OPCML: variants seen among roughly 807,000 people sequenced by gnomAD.
OPCML encodes the protein opioid-binding protein/cell adhesion molecule.
A neutral mutation model predicts 37.8 loss-of-function variants in OPCML; 13 were observed. That is an observed-to-expected ratio of 0.34 (90% CI 0.22 to 0.55). The LOEUF (loss-of-function observed/expected upper bound fraction) is 0.55. OPCML is among the 20% of genes least tolerant of loss of function. The probability of loss-of-function intolerance (pLI) is 0.91; values close to 1 mark genes in which losing one functional copy is unlikely to be tolerated. For missense variants in OPCML, 341 were observed against 435.6 expected (o/e 0.78, Z 1.93); for synonymous variants, 176 against 168.8 (o/e 1.04, Z -0.33).
chr11:133,105,500 A>G (rs1159664777), intron 1 of OPCML, among the ~76,000 whole-genome samples: 1 of 152,232 alleles, frequency 6.6e-6, no homozygotes, highest in Non-Finnish European at 1.5e-5. Flanking sequence ...AATCAAAGGT[A>G]AGGGAATTGT....
At chr11:132,602,321 A>G (rs1452488241) in intron 3 of OPCML, among the ~76,000 whole-genome samples, 1 of 152,238 alleles carries the variant, frequency 6.6e-6, no homozygotes, top group Non-Finnish European at 1.5e-5. Flanking sequence ...TGTTATTTTC[A>G]AGGAAATGTC....
At chr11:132,637,430 C>T (rs1215513568) in intron 3 of OPCML, among the ~76,000 whole-genome samples, 2 of 152,152 alleles carry the variant, frequency 1.3e-5, no homozygotes, top group African/African-American at 4.8e-5. Flanking sequence ...AAACCTCCAT[C>T]TTTCAGTGGC....
chr11:133,213,223 G>GT (rs35872459), intron 1 of OPCML, among the ~76,000 whole-genome samples: 5,914 of 126,314 alleles, frequency 0.047, 304 homozygotes, highest in African/African-American at 0.13. Flanking sequence ...TTCATAATGA[G>GT]TTTTTTTTTT....
rs527351263 is a variant in OPCML, at chr11:132,757,103, A to T, written c.147-99784T>A. Among the ~76,000 whole-genome samples the T allele has an allele frequency of 2.6e-5, 4 of 152,266 alleles. No individual in the cohort carries two copies. In the South Asian group the frequency reaches 8.3e-4, roughly 32 times the overall value. ...GCTGAGAATAATGGTTTCCAGCTTC[A>T]TCCATGTCCCTCCAAAGGACATGAA... On this transcript the variant is annotated intron_variant, in intron 2 of 7. Transcript: ENST00000524381.
At chr11:133,007,619 C>G (rs1947137016) in intron 1 of OPCML, 1 of 985,248 alleles carries the variant, frequency 1.0e-6, no homozygotes, top group Non-Finnish European at 1.2e-6. Flanking sequence ...GATGCACATG[C>G]TTATTTTTAT....
intron 4 of OPCML, among the ~76,000 whole-genome samples, chr11:132,440,552 T>C (rs2136769017): frequency 6.6e-6 from 1 of 152,228 alleles, no homozygotes; most frequent in East Asian, 1.9e-4. Flanking sequence ...GAAAATATAC[T>C]AAGAGCCCCT....
chr11:133,160,475 T>A (rs1426971087), intron 1 of OPCML, among the ~76,000 whole-genome samples: 1 of 152,240 alleles, frequency 6.6e-6, no homozygotes, highest in Non-Finnish European at 1.5e-5. Context: ...CTGACCTGCT[T>A]GCTACATTTG....
chr11:132,596,268 C>G (rs1324537145), intron 3 of OPCML, among the ~76,000 whole-genome samples: 1 of 152,134 alleles, frequency 6.6e-6, no homozygotes, highest in African/African-American at 2.4e-5. Context: ...GTACCAATTG[C>G]AAAAATGCCT....
intron 3 of OPCML, among the ~76,000 whole-genome samples, chr11:132,560,807 G>A (rs1330192111): frequency 6.6e-6 from 1 of 152,056 alleles, no homozygotes; most frequent in African/African-American, 2.4e-5. Flanking sequence ...TGTACATTCT[G>A]GTTGTTAGTT....
At chr11:133,368,658 T>G (rs1944606827) in intron 1 of OPCML, among the ~76,000 whole-genome samples, 1 of 152,232 alleles carries the variant, frequency 6.6e-6, no homozygotes, top group African/African-American at 2.4e-5. Context: ...TTTATCTACA[T>G]GTTCCCATAA....
At chr11:133,476,040 A>G (rs7114322) in intron 1 of OPCML, among the ~76,000 whole-genome samples, 17,091 of 152,192 alleles carry the variant, frequency 0.11, 1,746 homozygotes, top group African/African-American at 0.27. Context: ...AAGGACCACC[A>G]GCAAAATCAT....
At chr11:132,817,075 G>C (rs1014088839) in intron 2 of OPCML, 1 of 152,370 alleles carries the variant, frequency 6.6e-6, no homozygotes, top group African/African-American at 2.4e-5. Flanking sequence ...CTCAGGTGGA[G>C]TTAGATGTGG....
At chr11:132,955,720 A>G (rs1197796044) in intron 1 of OPCML, among the ~76,000 whole-genome samples, 1 of 152,090 alleles carries the variant, frequency 6.6e-6, no homozygotes, top group East Asian at 1.9e-4. Context: ...CACCTCAACT[A>G]AAAATACAAA....
intron 2 of OPCML, among the ~76,000 whole-genome samples, chr11:132,876,965 T>A (rs1943044072): frequency 6.6e-6 from 1 of 152,208 alleles, no homozygotes; most frequent in Non-Finnish European, 1.5e-5. Flanking sequence ...GGAGTAATTT[T>A]AAATAAGGAA....
In OPCML at chr11:132,454,502, T is replaced by C. The variant is rs191896404; in HGVS notation, c.506-17143A>G. The stretch of plus-strand genomic sequence containing the variant: ...CACTATCCTGCGGTAACAGCCCCTC[T>C]ACTGCGGAGATGCTCCACTGCCTCT... On this transcript the variant is annotated intron_variant, in intron 4 of 7. Coordinates refer to ENST00000524381, the MANE Select transcript of OPCML (RefSeq NM_001012393.5). Among the ~76,000 whole-genome samples, 508 of 152,306 alleles carry C rather than the reference T, an allele frequency of 3.3e-3. 3 individuals are homozygous for C. The highest frequency in any genetic ancestry group is 0.011 in the African/African-American group (469 of 41,580).
intron 4 of OPCML, among the ~76,000 whole-genome samples, chr11:132,495,100 T>A (rs2096227228): frequency 6.6e-6 from 1 of 152,170 alleles, no homozygotes; most frequent in Non-Finnish European, 1.5e-5. Context: ...GTAGCTTATC[T>A]GGATATTCAT....
intron 3 of OPCML, among the ~76,000 whole-genome samples, chr11:132,594,500 T>C (rs2096489486): frequency 6.6e-6 from 1 of 152,218 alleles, no homozygotes; most frequent in Non-Finnish European, 1.5e-5. Flanking sequence ...TTTATAATTT[T>C]AAAATTACCA....
intron 2 of OPCML, among the ~76,000 whole-genome samples, chr11:132,716,473 T>A (rs1944498462): frequency 6.6e-6 from 1 of 152,104 alleles, no homozygotes; most frequent in African/African-American, 2.4e-5. Flanking sequence ...ACCTACCATC[T>A]GTCTATCTAA....
intron 2 of OPCML, among the ~76,000 whole-genome samples, chr11:132,670,370 T>C (rs1432419267): frequency 6.6e-6 from 1 of 152,086 alleles, no homozygotes; most frequent in African/African-American, 2.4e-5. Context: ...ATGTACGGGA[T>C]CACAGAATCC....
Sources: allele counts gnomAD v4.1 joint callset (sites outside exome capture counted in the v4.1 genomes callset), GRCh38; gene constraint gnomAD v4.1.1; transcripts MANE v1.5; gene names NCBI Gene and HGNC (gene_info 2026-07-23, HGNC 2026-07-21).